Variants in PPP1R3E observed in about 807,000 individuals in gnomAD.
The protein encoded by PPP1R3E is protein phosphatase 1 regulatory subunit 3E.
A neutral mutation model predicts 18.5 loss-of-function variants in PPP1R3E; 20 were observed. The observed-to-expected ratio is 1.08, with a 90% CI of 0.76 to 1.58. PPP1R3E has a LOEUF of 1.58. Among genes scored for constraint, PPP1R3E ranks in the 40% most tolerant of loss-of-function variants. The pLI, the probability that PPP1R3E is intolerant of heterozygous loss-of-function variation, is 0.00. For synonymous variants in PPP1R3E, 208 were observed against 208.1 expected (o/e 1.00, Z 0.00); for missense variants, 498 against 460.2 (o/e 1.08, Z -0.75).
At chr14:23,300,126 T>C (rs1886992015) in intron 3 of PPP1R3E, 1 of 152,116 alleles carries the variant, frequency 6.6e-6, no homozygotes, top group Non-Finnish European at 1.5e-5. Context: ...TCTCAGAGCA[T>C]GGAGGCTGAA....
chr14:23,302,451 TGGCTCCTCCTCC>T lies in PPP1R3E; in HGVS notation c.114_125del (p.Glu39_Pro42del), dbSNP rs770348963. ...CCCCGAACCGCGTCCCGCCCTCGCC[TGGCTCCTCCTCC>T]GGCTCCTCCTCGAGGCTGGGCCGCT... On this transcript the variant is annotated inframe_deletion, in exon 1 of 5. Transcript: ENST00000452015. 320 of 1,507,180 alleles carry T rather than the reference TGGCTCCTCCTCC, an allele frequency of 2.1e-4. No individual in the cohort carries two copies. The highest frequency in any genetic ancestry group is 6.4e-4 in the East Asian group (24 of 37,324). 93.4% of individuals were successfully genotyped at this position (1,507,180 alleles called of 1,614,324 possible). A position where few individuals can be genotyped will look rare whatever the true frequency, so the allele number is the denominator to read the frequency against.
In PPP1R3E at chr14:23,297,652, G is replaced by C. The variant is rs1052506439; in HGVS notation, c.*1652C>G. The C allele has an allele frequency of 3.3e-5, 5 of 152,214 alleles. No individual in the cohort carries two copies. Among genetic ancestry groups the C allele is most frequent in the African/African-American group, 1.2e-4 (5 of 41,440 alleles). The allele number at this position is 152,214 out of a possible 1,614,324, so 9.4% of individuals were successfully genotyped here. The stretch of plus-strand genomic sequence containing the variant: ...AAGGCTTGGTAGCACTGATAGTTTT[G>C]TGTCAGGTTCCAAGGAGACACCCAC... On this transcript the variant is annotated 3_prime_UTR_variant, in exon 5 of 5. Transcript: ENST00000452015.
chr14:23,301,764 G>T lies in PPP1R3E; in HGVS notation c.512C>A (p.Pro171Gln). ...RICLERAEAG[P>Q]LGVAGSARVV... ...GCGCGCGCTCCCGGCCACGCCCAGC[G>T]GGCCCGCCTCGGCGCGTTCCAGGCA... is the stretch of plus-strand genomic sequence containing the variant. The change falls in exon 2 of 5, where the codon CCG becomes CAG. Residue 171 changes from proline (P) to glutamine (Q), a missense_variant. Physicochemically the swap from Pro to Gln is moderately conservative, Grantham distance 76. Coordinates refer to ENST00000452015, the MANE Select transcript of PPP1R3E (RefSeq NM_001276318.2). The T allele has an allele frequency of 7.0e-7, 1 of 1,426,496 alleles. No homozygotes were observed. Among genetic ancestry groups the T allele is most frequent in the Non-Finnish European group, 9.1e-7 (1 of 1,094,194 alleles). The allele number at this position is 1,426,496 out of a possible 1,614,324, so 88.4% of individuals were successfully genotyped here.
In PPP1R3E at chr14:23,302,673, G is replaced by T; in HGVS notation, c.-97C>A. Reference sequence around the variant, plus strand: ...CCCGCGTCAGCGCAGAAGTCGCTGGGTCCGCTTCTGCAGCCCCTCGCTGCT... The same window carrying T: ...CCCGCGTCAGCGCAGAAGTCGCTGGTTCCGCTTCTGCAGCCCCTCGCTGCT... On this transcript the variant is annotated 5_prime_UTR_variant, in exon 1 of 5. Transcript: ENST00000452015. 2 of 1,238,608 alleles carry T rather than the reference G, an allele frequency of 1.6e-6. No individual in the cohort carries two copies. Among genetic ancestry groups the T allele is most frequent in the Non-Finnish European group, 2.1e-6 (2 of 945,238 alleles). The allele number at this position is 1,238,608 out of a possible 1,614,324, so 76.7% of individuals were successfully genotyped here.
chr14:23,299,923 T>G (rs1397463210), intron 3 of PPP1R3E, among the ~76,000 whole-genome samples: 3 of 98,660 alleles, frequency 3.0e-5, no homozygotes, highest in Admixed American at 1.2e-4. Flanking sequence ...GTTTTTTTGT[T>G]TTTGTTTTTT....
In PPP1R3E at chr14:23,296,864, G is replaced by C. The variant is rs974450846; in HGVS notation, c.*2440C>G. ...CTGCAAACTGCAAAGATCCCAGCAG[G>C]CTCCAGAAAAACACGGCAGTTAGAA... On this transcript the variant is annotated 3_prime_UTR_variant, in exon 5 of 5. Transcript: ENST00000452015. The C allele has an allele frequency of 6.6e-6, 1 of 152,220 alleles. No individual in the cohort carries two copies. Among genetic ancestry groups the C allele is most frequent in the Admixed American group, 6.5e-5 (1 of 15,282 alleles). 9.4% of individuals were successfully genotyped at this position (152,220 alleles called of 1,614,324 possible). A position where few individuals can be genotyped will look rare whatever the true frequency, so the allele number is the denominator to read the frequency against.
chr14:23,301,255 C>CCGCTCCCA (rs1333607870), intron 2 of PPP1R3E, 43 bp downstream of exon 2: 3 of 148,544 alleles, frequency 2.0e-5, no homozygotes, highest in Non-Finnish European at 4.4e-5. Flanking sequence ...CTCACTCCCC[C>CCGCTCCCA]CGCCCCCACG....
rs1886916802 is a variant in PPP1R3E at position 23,297,766 on chromosome 14, A to G, written c.*1538T>C. 6.6e-6 allele frequency: 1 copy of G among 152,250 alleles called. No individual in the cohort carries two copies. The highest frequency in any genetic ancestry group is 6.5e-5 in the Admixed American group (1 of 15,282). The allele number at this position is 152,250 out of a possible 1,614,324, so 9.4% of individuals were successfully genotyped here. ...CTTACCGAAGCCCTGGGGCAGCTTG[A>G]TATGGGAATAATCAAGACCAAAATG... On this transcript the variant is annotated 3_prime_UTR_variant, in exon 5 of 5. Coordinates refer to ENST00000452015, the MANE Select transcript of PPP1R3E (RefSeq NM_001276318.2).
Position 23,301,654 on chromosome 14 carries a change from A to AGGCGGCTGGCGCCTCGCGTT in PPP1R3E, c.602_621dup (p.Tyr208AsnfsTer42), listed in dbSNP as rs1227699842. The AGGCGGCTGGCGCCTCGCGTT allele has an allele frequency of 2.3e-6, 3 of 1,317,212 alleles. No homozygotes were observed. In the Admixed American group the frequency reaches 1.2e-4, roughly 51 times the overall value. 81.6% of individuals were successfully genotyped at this position (1,317,212 alleles called of 1,614,324 possible). The stretch of plus-strand genomic sequence containing the variant: ...GGCGGGGGCGGGGCCGGACCGGCGT[A>AGGCGGCTGGCGCCTCGCGTT]GGCGGCTGGCGCCTCGCGTTGGCTC... On this transcript the variant is annotated frameshift_variant, in exon 2 of 5. Coordinates refer to ENST00000452015, the MANE Select transcript of PPP1R3E (RefSeq NM_001276318.2). LOFTEE classifies it high-confidence loss of function.
chr14:23,302,437 G>A lies in PPP1R3E; in HGVS notation c.140C>T (p.Thr47Met). 6.7e-7 allele frequency: 1 copy of A among 1,501,298 alleles called. No individual in the cohort carries two copies. Among genetic ancestry groups the A allele is most frequent in the Non-Finnish European group, 8.8e-7 (1 of 1,134,274 alleles). 93.0% of individuals were successfully genotyped at this position (1,501,298 alleles called of 1,614,324 possible). Residue 47 changes from threonine (T) to methionine (M), a missense_variant, in exon 1 of 5, where the codon ACG (threonine) becomes ATG (methionine). Thr to Met is a moderately conservative substitution (Grantham distance 81). Transcript: ENST00000452015. ...AGCGCGGGATCGGGCCCCGAACCGCGTCCCGCCCTCGCCTGGCTCCTCCTC... is the reference window on the plus strand; with the variant it reads ...AGCGCGGGATCGGGCCCCGAACCGCATCCCGCCCTCGCCTGGCTCCTCCTC... ...EPEEEPGEGG[T>M]RFGARSRAHA...
rs1321635647 is a variant in PPP1R3E, at chr14:23,301,801, T to C, written c.475A>G (p.Thr159Ala). The part of the protein sequence containing the change: ...SEPGFAARLL[T>A]QRICLERAEA... ...GCGCGTTCCAGGCAGATGCGCTGCG[T>C]CAGCAAGCGGGCGGCGAAGCCGGGC... Residue 159 changes from threonine (T) to alanine (A), a missense_variant, in exon 2 of 5, where the codon ACG becomes GCG. Physicochemically the swap from Thr to Ala is moderately conservative, Grantham distance 58. Transcript: ENST00000452015. 6.8e-7 allele frequency: 1 copy of C among 1,471,678 alleles called. No individual in the cohort carries two copies. The highest frequency in any genetic ancestry group is 8.9e-7 in the Non-Finnish European group (1 of 1,119,884). 91.2% of individuals were successfully genotyped at this position (1,471,678 alleles called of 1,614,324 possible). A position where few individuals can be genotyped will look rare whatever the true frequency, so the allele number is the denominator to read the frequency against.
Position 23,301,859 on chromosome 14 carries a change from C to A in PPP1R3E, c.418-1G>T. On this transcript the variant is annotated splice_acceptor_variant, in intron 1 of 4. Transcript: ENST00000452015. LOFTEE classifies it high-confidence loss of function. ...CCGGCTCCAGGGCGGCGCGCGCCTC[C>A]TGGGGGAAAGAAGAAGCGGGAGGAG... is the stretch of plus-strand genomic sequence containing the variant. 1 of 1,429,240 alleles carries A rather than the reference C, an allele frequency of 7.0e-7. No individual in the cohort carries two copies. Among genetic ancestry groups the A allele is most frequent in the Non-Finnish European group, 9.1e-7 (1 of 1,103,588 alleles). The allele number at this position is 1,429,240 out of a possible 1,614,324, so 88.5% of individuals were successfully genotyped here.
At position 23,296,666 on chromosome 14, in the gene PPP1R3E, C is replaced by G. The variant is rs895870770; in HGVS notation, c.*2638G>C. 2 of 152,212 alleles carry G rather than the reference C, an allele frequency of 1.3e-5. No individual in the cohort carries two copies. The highest frequency in any genetic ancestry group is 4.8e-5 in the African/African-American group (2 of 41,440). The allele number at this position is 152,212 out of a possible 1,614,324, so 9.4% of individuals were successfully genotyped here. A position where few individuals can be genotyped will look rare whatever the true frequency, so the allele number is the denominator to read the frequency against. ...CACCGAGCAGAGACCTGTTTCCTAG[C>G]CTGGGAATGGGTGATCAGGAGGCCT... is the stretch of plus-strand genomic sequence containing the variant. On this transcript the variant is annotated 3_prime_UTR_variant, in exon 5 of 5. Transcript: ENST00000452015.
In PPP1R3E at chr14:23,299,430, A is replaced by G. The variant is rs1319542494; in HGVS notation, c.*357T>C. 1 of 154,338 alleles carries G rather than the reference A, an allele frequency of 6.5e-6. No individual in the cohort carries two copies. The highest frequency in any genetic ancestry group is 1.5e-5 in the Non-Finnish European group (1 of 68,218). 9.6% of individuals were successfully genotyped at this position (154,338 alleles called of 1,614,324 possible). A position where few individuals can be genotyped will look rare whatever the true frequency, so the allele number is the denominator to read the frequency against. ...GAGATCCTTGTTCATTTGTAACATC[A>G]GGAACTGCTTCTTTTCCTCCTTCTC... On this transcript the variant is annotated 3_prime_UTR_variant, in exon 4 of 5. Transcript: ENST00000452015.
chr14:23,301,589 C>T lies in PPP1R3E; in HGVS notation c.687G>A (p.Pro229=), dbSNP rs754862629. ...DRFAFRLPAP[P]IGGALLFALR... is the part of the protein sequence containing the mutation. ...AGGCGAAGAGCAGGGCGCCCCCAAT[C>T]GGCGGCGCGGGCAGGCGGAAGGCGA... Residue 229 remains proline, a synonymous_variant, in exon 2 of 5, where the codon CCG becomes CCA. Coordinates refer to ENST00000452015, the MANE Select transcript of PPP1R3E (RefSeq NM_001276318.2). 18 of 1,447,004 alleles carry T rather than the reference C, an allele frequency of 1.2e-5. No individual in the cohort carries two copies. In the South Asian group the frequency reaches 2.0e-4, roughly 16 times the overall value. 89.6% of individuals were successfully genotyped at this position (1,447,004 alleles called of 1,614,324 possible).
chr14:23,301,317 T>A lies in PPP1R3E; in HGVS notation c.*119A>T. ...CCCCACCCTTTTCGCCCTCCCCGGC[T>A]TGACTCCCTTGGACCGCTCCCGCCA... On this transcript the variant is annotated 3_prime_UTR_variant, in exon 2 of 5. Transcript: ENST00000452015. 2 of 833,506 alleles carry A rather than the reference T, an allele frequency of 2.4e-6. No homozygotes were observed. Among genetic ancestry groups the A allele is most frequent in the Non-Finnish European group, 2.8e-6 (2 of 711,070 alleles). 51.6% of individuals were successfully genotyped at this position (833,506 alleles called of 1,614,324 possible).
At position 23,301,428 on chromosome 14, in the gene PPP1R3E, G is replaced by A. The variant is rs1887031337; in HGVS notation, c.*8C>T. Reference sequence around the variant, plus strand: ...GTGTTTTCCGCCGTCGGCCGCAGGCGCCTCGTCTCAGATAAAGTGGATCCA... The same window carrying A: ...GTGTTTTCCGCCGTCGGCCGCAGGCACCTCGTCTCAGATAAAGTGGATCCA... On this transcript the variant is annotated 3_prime_UTR_variant, in exon 2 of 5. Transcript: ENST00000452015. 11 of 1,389,906 alleles carry A rather than the reference G, an allele frequency of 7.9e-6. No individual in the cohort carries two copies. Among genetic ancestry groups the A allele is most frequent in the Middle Eastern group, 4.6e-4 (2 of 4,320 alleles). 86.1% of individuals were successfully genotyped at this position (1,389,906 alleles called of 1,614,324 possible).
rs1391127786 is a variant in PPP1R3E, at chr14:23,301,557, T to TAGCGCAAGGCGA, written c.707_718dup (p.Phe236_Arg239dup). The TAGCGCAAGGCGA allele has an allele frequency of 1.3e-6, 2 of 1,483,626 alleles. No individual in the cohort carries two copies. The highest frequency in any genetic ancestry group is 5.7e-5 in the East Asian group (2 of 35,244). The allele number at this position is 1,483,626 out of a possible 1,614,324, so 91.9% of individuals were successfully genotyped here. On this transcript the variant is annotated inframe_insertion, in exon 2 of 5. Coordinates refer to ENST00000452015, the MANE Select transcript of PPP1R3E (RefSeq NM_001276318.2). ...CCAGAACTCGTGACCTGTCACACGG[T>TAGCGCAAGGCGA]AGCGCAAGGCGAAGAGCAGGGCGCC...
chr14:23,301,276 C>T (rs1594974134), intron 2 of PPP1R3E, 22 bp downstream of exon 2: 2 of 256,470 alleles, frequency 7.8e-6, no homozygotes, highest in South Asian at 3.3e-4. Context: ...CCCCCACGCC[C>T]CCACGCCCCT....
Sources: allele counts gnomAD v4.1 joint callset (sites outside exome capture counted in the v4.1 genomes callset), GRCh38; gene constraint gnomAD v4.1.1; transcripts MANE v1.5; gene names NCBI Gene and HGNC (gene_info 2026-07-23, HGNC 2026-07-21).